The following ZNRF1 variants were observed in gnomAD, a reference collection of about 807,000 sequenced individuals.
The protein encoded by ZNRF1 is E3 ubiquitin-protein ligase ZNRF1.
In ZNRF1, 3 loss-of-function variants were observed where a neutral mutation model predicts 18.4. The ratio of observed to expected loss-of-function variants is 0.16; its 90% confidence interval spans 0.07 to 0.42. The LOEUF is 0.42. Among genes scored for constraint, ZNRF1 ranks in the 10% least tolerant of loss-of-function variants. The pLI is 0.99. For synonymous variants in ZNRF1, 157 were observed against 144.2 expected (o/e 1.09, Z -0.64); for missense variants, 310 against 329.8 (o/e 0.94, Z 0.47).
At chr16:75,081,764 C>CT (rs2036014907) in intron 1 of ZNRF1, among the ~76,000 whole-genome samples, 2 of 152,210 alleles carry the variant, frequency 1.3e-5, no homozygotes, top group African/African-American at 4.8e-5. Flanking sequence ...TCCCTAGTGT[C>CT]TAAGAACTAG....
rs184415425 is a variant in ZNRF1, at chr16:75,059,952, G to T, written c.425-33620G>T. On this transcript the variant is annotated intron_variant, in intron 1 of 4. Coordinates refer to ENST00000335325, the MANE Select transcript of ZNRF1 (RefSeq NM_032268.5). ...GACTAGGATTTTATGACTAGACCTC[G>T]TTTGATTATTTGGTACAGCCCAGGA... 1.1e-4 allele frequency among the ~76,000 whole-genome samples: 17 copies of T among 152,250 alleles called. No individual in the cohort carries two copies. The East Asian group carries it at 3.1e-3, about 28-fold the overall frequency.
intron 1 of ZNRF1, among the ~76,000 whole-genome samples, chr16:75,069,103 G>A (rs944207584): frequency 5.3e-5 from 8 of 151,804 alleles, no homozygotes; most frequent in Admixed American, 2.6e-4. Context: ...TTGGCTCATC[G>A]TTTTAAAGAT....
intron 1 of ZNRF1, among the ~76,000 whole-genome samples, chr16:75,062,307 G>T (rs561288282): frequency 1.3e-5 from 2 of 152,210 alleles, no homozygotes; most frequent in Non-Finnish European, 1.5e-5. Context: ...GCAGAGGCCC[G>T]TGACCATCAA....
intron 2 of ZNRF1, among the ~76,000 whole-genome samples, chr16:75,102,315 G>C (rs1384157677): frequency 6.6e-6 from 1 of 152,172 alleles, no homozygotes; most frequent in African/African-American, 2.4e-5. Context: ...CCACTCATGA[G>C]GTGTGTGACT....
chr16:75,041,011 CCA>C (rs1316182297), intron 1 of ZNRF1, among the ~76,000 whole-genome samples: 1 of 152,178 alleles, frequency 6.6e-6, no homozygotes, highest in African/African-American at 2.4e-5. Flanking sequence ...TATGAATTTA[CCA>C]CAGTCAGTCT....
intron 1 of ZNRF1, among the ~76,000 whole-genome samples, chr16:75,047,365 T>G (rs2035528780): frequency 6.6e-6 from 1 of 152,114 alleles, no homozygotes; most frequent in African/African-American, 2.4e-5. Context: ...TAGCGATGGA[T>G]TCTGGCTATG....
chr16:75,091,729 C>T (rs1283361493), intron 1 of ZNRF1, among the ~76,000 whole-genome samples: 3 of 151,600 alleles, frequency 2.0e-5, no homozygotes, highest in African/African-American at 7.3e-5. Flanking sequence ...TAGAGACAGG[C>T]TTTTGCCATG....
rs180699274 is a variant in ZNRF1, at chr16:75,008,267, C to G, written c.424+8172C>G. The stretch of plus-strand genomic sequence containing the variant: ...GTTCAACCAGGAACAACATTGTTGG[C>G]TATTTGATGGTTTTCTTTTACATGG... On this transcript the variant is annotated intron_variant, in intron 1 of 4. Coordinates refer to ENST00000335325, the MANE Select transcript of ZNRF1 (RefSeq NM_032268.5). Among the ~76,000 whole-genome samples the G allele has an allele frequency of 2.1e-4, 32 of 152,256 alleles. 1 individual carries two copies. The highest frequency in any genetic ancestry group is 7.5e-4 in the African/African-American group (31 of 41,554).
In ZNRF1 at chr16:75,104,766, C is replaced by T; in HGVS notation, c.521-18C>T. ...CTGGTGACTAACCCTCCTGCACTCT[C>T]CCCTGTCCCCCTTGCAGATGATGTG... On this transcript the variant is annotated intron_variant, in intron 2 of 4. Transcript: ENST00000335325. 1.3e-6 allele frequency: 2 copies of T among 1,581,206 alleles called. No individual in the cohort carries two copies. The highest frequency in any genetic ancestry group is 1.7e-6 in the Non-Finnish European group (2 of 1,163,618).
intron 1 of ZNRF1, among the ~76,000 whole-genome samples, chr16:75,063,126 T>G (rs1458764334): frequency 2.6e-5 from 4 of 152,218 alleles, no homozygotes; most frequent in Non-Finnish European, 4.4e-5. Context: ...GCTAAAATTT[T>G]TGCAGAGTCA....
chr16:75,091,773 G>T (rs1451042851), intron 1 of ZNRF1, among the ~76,000 whole-genome samples: 2 of 151,786 alleles, frequency 1.3e-5, no homozygotes, highest in African/African-American at 2.4e-5. Flanking sequence ...CTGAGCTCAA[G>T]CAGTCTGCCG....
intron 1 of ZNRF1, among the ~76,000 whole-genome samples, chr16:75,041,135 TGA>T (rs1226247803): frequency 6.6e-6 from 1 of 152,184 alleles, no homozygotes; most frequent in Non-Finnish European, 1.5e-5. Context: ...AGATTCCATA[TGA>T]GAAGTTTGTG....
intron 1 of ZNRF1, among the ~76,000 whole-genome samples, chr16:75,057,631 C>T (rs899353200): frequency 3.9e-5 from 6 of 152,098 alleles, no homozygotes; most frequent in African/African-American, 1.4e-4. Flanking sequence ...TTGGAAACTG[C>T]TATGTATTTT....
chr16:74,999,967 A>C lies in ZNRF1; in HGVS notation c.296A>C (p.His99Pro). Residue 99 changes from histidine to proline, a missense_variant, in exon 1 of 5, where the codon CAT (histidine) becomes CCT (proline). Around this residue, in one of 2 missense-constraint regions of ZNRF1, gnomAD observed 293 missense variants for 291.2 expected, o/e 1.01. Transcript: ENST00000335325. ...GGSASDSTYA[H>P]GNGYQETGGG... ...TCTGCGTCCGACTCCACCTATGCCCATGGCAATGGTTACCAGGAGACGGGC... is the reference window on the plus strand; with the variant it reads ...TCTGCGTCCGACTCCACCTATGCCCCTGGCAATGGTTACCAGGAGACGGGC... The C allele has an allele frequency of 6.3e-7, 1 of 1,582,222 alleles. No homozygotes were observed. Among genetic ancestry groups the C allele is most frequent in the South Asian group, 1.2e-5 (1 of 86,612 alleles).
At chr16:75,071,337 C>T (rs148198678) in intron 1 of ZNRF1, among the ~76,000 whole-genome samples, 17 of 152,210 alleles carry the variant, frequency 1.1e-4, no homozygotes, top group Non-Finnish European at 2.4e-4. Flanking sequence ...TGACCTCAAG[C>T]GATCTGCCCA....
intron 1 of ZNRF1, among the ~76,000 whole-genome samples, chr16:75,076,210 A>G (rs2035939282): frequency 6.6e-6 from 1 of 152,180 alleles, no homozygotes; most frequent in Non-Finnish European, 1.5e-5. Context: ...TTAATCTTCT[A>G]TCTATAATCT....
At chr16:75,026,177 T>G (rs539458314) in intron 1 of ZNRF1, among the ~76,000 whole-genome samples, 26 of 152,200 alleles carry the variant, frequency 1.7e-4, no homozygotes, top group Non-Finnish European at 3.1e-4. Flanking sequence ...GCATCTTATT[T>G]GAGTTGTAAA....
At position 74,999,748 on chromosome 16, in the gene ZNRF1, C is replaced by G; in HGVS notation, c.77C>G (p.Pro26Arg). ...GTCTCCACCGATGACAGCGCCGTGC[C>G]GCCGCCGGGAGGGGCGCCCCATTTC... The part of the protein sequence containing the change: ...PGVSTDDSAV[P>R]PPGGAPHFGH... Residue 26 changes from proline to arginine, a missense_variant, in exon 1 of 5, where the codon CCG (proline) becomes CGG (arginine). Coordinates refer to ENST00000335325, the MANE Select transcript of ZNRF1 (RefSeq NM_032268.5). 2.2e-6 allele frequency: 3 copies of G among 1,392,062 alleles called. No individual in the cohort carries two copies. Among genetic ancestry groups the G allele is most frequent in the Non-Finnish European group, 1.9e-6 (2 of 1,079,668 alleles). The allele number at this position is 1,392,062 out of a possible 1,614,324, so 86.2% of individuals were successfully genotyped here. A position where few individuals can be genotyped will look rare whatever the true frequency, so the allele number is the denominator to read the frequency against.
In ZNRF1 at chr16:75,096,061, CGTGTGTGTGT is replaced by C. The variant is rs56013949; in HGVS notation, c.520+2425_520+2434del. On this transcript the variant is annotated intron_variant, in intron 2 of 4. Coordinates refer to ENST00000335325, the MANE Select transcript of ZNRF1 (RefSeq NM_032268.5). Reference sequence around the variant, plus strand: ...GTGCATGTGTTTCTGTATGTGTGCACGTGTGTGTGTGTGTGTGTGTGTGTGTGTGTGTGTG... The same window carrying C: ...GTGCATGTGTTTCTGTATGTGTGCACGTGTGTGTGTGTGTGTGTGTGTGTG... 1.2e-3 allele frequency among the ~76,000 whole-genome samples: 168 copies of C among 139,748 alleles called. 4 individuals carry two copies. Among genetic ancestry groups the C allele is most frequent in the Admixed American group, 8.4e-3 (117 of 13,988 alleles). The allele number at this position is 139,748 out of a possible 152,430, so 91.7% of individuals were successfully genotyped here.
Sources: gnomAD v4.1 joint callset for allele counts (sites outside exome capture counted in the v4.1 genomes callset) on GRCh38, gnomAD v4.1.1 for gene constraint, gnomAD v4.1.1 regional missense constraint, MANE v1.5 for transcripts, NCBI Gene and HGNC (gene_info 2026-07-23, HGNC 2026-07-21) for gene names.